The following ASB4 variants were observed in gnomAD, a reference collection of about 807,000 sequenced individuals.
ASB4 encodes ankyrin repeat and SOCS box protein 4.
Under a neutral mutation model 38.6 loss-of-function variants are expected in ASB4, and 35 were observed. The observed-to-expected ratio is 0.91, with a 90% CI of 0.69 to 1.20. The LOEUF is 1.20. ASB4 is among the 50% of genes most tolerant of loss of function. The pLI is 0.00. For synonymous variants in ASB4, 195 were observed against 201.3 expected (o/e 0.97, Z 0.26); for missense variants, 557 against 527.2 (o/e 1.06, Z -0.55).
At chr7:95,532,811 T>G (rs1181233476) in intron 3 of ASB4, among the ~76,000 whole-genome samples, 1 of 152,116 alleles carries the variant, frequency 6.6e-6, no homozygotes, top group Non-Finnish European at 1.5e-5. Context: ...ACAGTAGAAA[T>G]AACTTTTTTG....
intron 1 of ASB4, among the ~76,000 whole-genome samples, chr7:95,488,979 C>A (rs951652852): frequency 6.6e-6 from 1 of 152,106 alleles, no homozygotes; most frequent in South Asian, 2.1e-4. Flanking sequence ...TTTGATAGTC[C>A]TATAGAAAGT....
chr7:95,493,217 A>G (rs2116584700), intron 1 of ASB4, among the ~76,000 whole-genome samples: 1 of 152,326 alleles, frequency 6.6e-6, no homozygotes, highest in East Asian at 1.9e-4. Context: ...GAGTGATCAT[A>G]CTTTAAACAA....
At chr7:95,496,854 A>G (rs1790256824) in intron 2 of ASB4, among the ~76,000 whole-genome samples, 1 of 152,182 alleles carries the variant, frequency 6.6e-6, no homozygotes, top group African/African-American at 2.4e-5. Context: ...TCTCAAAACA[A>G]AAAACAAAGA....
intron 1 of ASB4, among the ~76,000 whole-genome samples, chr7:95,492,964 A>G (rs1790192965): frequency 6.6e-6 from 1 of 152,196 alleles, no homozygotes; most frequent in African/African-American, 2.4e-5. Context: ...CTCAATAGAA[A>G]TGTATAAATG....
chr7:95,500,209 G>A (rs946493167), intron 2 of ASB4, among the ~76,000 whole-genome samples: 3 of 151,754 alleles, frequency 2.0e-5, no homozygotes, highest in Admixed American at 1.3e-4. Context: ...TGGGAGGTTC[G>A]GGAGAAAAAA....
intron 2 of ASB4, among the ~76,000 whole-genome samples, chr7:95,513,124 G>A (rs1459444155): frequency 6.6e-6 from 1 of 152,068 alleles, no homozygotes; most frequent in Non-Finnish European, 1.5e-5. Flanking sequence ...GAAGATGGAG[G>A]AAGGAGGCCA....
At chr7:95,496,684 A>G (rs1261049435) in intron 2 of ASB4, among the ~76,000 whole-genome samples, 2 of 152,004 alleles carry the variant, frequency 1.3e-5, no homozygotes, top group Non-Finnish European at 2.9e-5. Flanking sequence ...CCATCTCTAC[A>G]AAAAGCAAAA....
upstream of ASB4, among the ~76,000 whole-genome samples, chr7:95,478,206 T>A (rs1272288933): frequency 6.6e-6 from 1 of 152,202 alleles, no homozygotes; most frequent in East Asian, 1.9e-4. Context: ...AGTACAATTG[T>A]GAGGTAAATG....
At chr7:95,549,554 C>A in the ASB4 span, among the ~76,000 whole-genome samples, 1 of 151,976 alleles carries the variant, frequency 6.6e-6, no homozygotes, top group Admixed American at 6.6e-5. Context: ...GCCTTGGGCT[C>A]CCAAAGTGCT....
At chr7:95,537,094 T>C (rs1383377872) in intron 4 of ASB4, among the ~76,000 whole-genome samples, 1 of 152,182 alleles carries the variant, frequency 6.6e-6, no homozygotes, top group Non-Finnish European at 1.5e-5. Flanking sequence ...AAAGTCTGTC[T>C]GTAACACATG....
intron 1 of ASB4, among the ~76,000 whole-genome samples, chr7:95,491,577 G>A (rs535589108): frequency 1.3e-5 from 2 of 152,336 alleles, no homozygotes; most frequent in East Asian, 3.9e-4. Context: ...GTGGGAAGAA[G>A]GGAGTGTGTA....
upstream of ASB4, among the ~76,000 whole-genome samples, chr7:95,482,550 A>G (rs904323852): frequency 1.3e-5 from 2 of 152,324 alleles, no homozygotes; most frequent in Middle Eastern, 3.4e-3. Flanking sequence ...AAGGATTAGG[A>G]AATGAGGATA....
chr7:95,541,722 T>C (rs144927158), downstream of ASB4, among the ~76,000 whole-genome samples: 74 of 152,280 alleles, frequency 4.9e-4, no homozygotes, highest in African/African-American at 1.7e-3. Flanking sequence ...CACTTGAAAA[T>C]GTATCATATA....
chr7:95,501,040 TTTAA>T (rs1306264847), intron 2 of ASB4, among the ~76,000 whole-genome samples: 3 of 152,214 alleles, frequency 2.0e-5, no homozygotes, highest in East Asian at 3.8e-4. Context: ...GATTTTTAAA[TTTAA>T]TTAGTTTAAA....
chr7:95,527,888 C>A lies in ASB4; in HGVS notation c.563C>A (p.Ser188Ter). 1 of 1,613,980 alleles carries A rather than the reference C, an allele frequency of 6.2e-7. No homozygotes were observed. Among genetic ancestry groups the A allele is most frequent in the Non-Finnish European group, 8.5e-7 (1 of 1,179,988 alleles). ...PLHTAAHFGL[S>*]ELVAFYVEHG... ...CACACGGCTGCCCACTTCGGCCTTT[C>A]GGAGCTGGTGGCCTTCTACGTGGAA... The change falls in exon 3 of 5, where the codon TCG becomes TAG. Residue 188 changes from serine (S) to a stop codon, truncating the protein, a stop_gained. Coordinates refer to ENST00000325885, the MANE Select transcript of ASB4 (RefSeq NM_016116.3). LOFTEE classifies it high-confidence loss of function.
chr7:95,483,162 G>C (rs926697314), upstream of ASB4, among the ~76,000 whole-genome samples: 2 of 152,208 alleles, frequency 1.3e-5, no homozygotes, highest in African/African-American at 4.8e-5. Flanking sequence ...CTGCCACGGA[G>C]ATATCAGGGA....
At chr7:95,508,005 A>C (rs1790433410) in intron 2 of ASB4, among the ~76,000 whole-genome samples, 2 of 152,160 alleles carry the variant, frequency 1.3e-5, no homozygotes, top group Non-Finnish European at 2.9e-5. Context: ...CCTTTTAAGG[A>C]GTATTTGTGA....
chr7:95,550,445 G>A, the ASB4 span, among the ~76,000 whole-genome samples: 65,149 of 151,968 alleles, frequency 0.43, 14,334 homozygotes, highest in East Asian at 0.82. Context: ...CTCCTGTCTC[G>A]GAAGGGGACA....
the ASB4 span, among the ~76,000 whole-genome samples, chr7:95,546,771 G>A: frequency 1.3e-5 from 2 of 152,224 alleles, no homozygotes; most frequent in Non-Finnish European, 2.9e-5. Context: ...GATGGAGTTA[G>A]AAGGCAGGGC....
Sources: allele counts gnomAD v4.1 joint callset (sites outside exome capture counted in the v4.1 genomes callset), GRCh38; gene constraint gnomAD v4.1.1; transcripts MANE v1.5; gene names NCBI Gene and HGNC (gene_info 2026-07-23, HGNC 2026-07-21).